Variants in ZC3H8 observed in about 807,000 individuals in gnomAD.
ZC3H8 encodes zinc finger CCCH-type containing 8.
In ZC3H8, 27 loss-of-function variants were observed where a neutral mutation model predicts 42.5. The observed-to-expected ratio is 0.64, with a 90% CI of 0.47 to 0.88. The LOEUF is 0.88. Ranked by LOEUF, ZC3H8 falls within the 40% of genes least tolerant of loss-of-function variation. The pLI, the probability that ZC3H8 is intolerant of heterozygous loss-of-function variation, is 0.00. For synonymous variants in ZC3H8, 101 were observed against 110.1 expected, an observed-to-expected ratio of 0.92 and a Z score of 0.52; for missense variants, 277 against 336.1, an observed-to-expected ratio of 0.82 and a Z score of 1.37.
intron 8 of ZC3H8, among the ~76,000 whole-genome samples, chr2:112,221,333 G>A (rs1181643345): frequency 2.6e-5 from 4 of 151,932 alleles, no homozygotes; most frequent in Non-Finnish European, 4.4e-5. Context: ...TTGTTTAAAA[G>A]TGTGTAGCTC....
chr2:112,250,941 T>C lies in ZC3H8; in HGVS notation c.75-669A>G, dbSNP rs568615620. On this transcript the variant is annotated intron_variant, in intron 1 of 8. Transcript: ENST00000409573. Reference sequence around the variant, plus strand: ...AGGACTGAGAAGTTGACCATGCATATATATAACAGTCTGAGACAATTACTT... The same window carrying C: ...AGGACTGAGAAGTTGACCATGCATACATATAACAGTCTGAGACAATTACTT... Among the ~76,000 whole-genome samples, 151 of 152,284 alleles carry C rather than the reference T, an allele frequency of 9.9e-4. 1 individual carries two copies. The South Asian group carries it at 0.011, about 11-fold the overall frequency.
chr2:112,253,827 T>C (rs573785149), intron 1 of ZC3H8: 1 of 152,404 alleles, frequency 6.6e-6, no homozygotes, highest in African/African-American at 2.4e-5. Flanking sequence ...CAGTTATTTT[T>C]CTTAGTAAAT....
intron 8 of ZC3H8, among the ~76,000 whole-genome samples, chr2:112,219,661 T>A (rs1039453883): frequency 5.3e-5 from 8 of 152,044 alleles, no homozygotes; most frequent in Middle Eastern, 3.2e-3. Context: ...TTTTTTTTTT[T>A]AATTTGCTGA....
At chr2:112,252,979 TA>T (rs1686005818) in intron 1 of ZC3H8, among the ~76,000 whole-genome samples, 1 of 151,974 alleles carries the variant, frequency 6.6e-6, no homozygotes, top group African/African-American at 2.4e-5. Context: ...CCGTCTCTAC[TA>T]AAAATACGTC....
chr2:112,231,821 T>C lies in ZC3H8; in HGVS notation c.843+17A>G, dbSNP rs745660635. 2.4e-5 allele frequency: 35 copies of C among 1,475,556 alleles called. 1 individual carries two copies. The South Asian group carries it at 4.3e-4, about 18-fold the overall frequency. The allele number at this position is 1,475,556 out of a possible 1,614,324, so 91.4% of individuals were successfully genotyped here. A position where few individuals can be genotyped will look rare whatever the true frequency, so the allele number is the denominator to read the frequency against. On this transcript the variant is annotated intron_variant, in intron 7 of 8. Transcript: ENST00000409573. Reference sequence around the variant, plus strand: ...TTAAAAAAGAAAAAACAAAAGATTATTAAAAATTATACTTACTTTAGCCAA... The same window carrying C: ...TTAAAAAAGAAAAAACAAAAGATTACTAAAAATTATACTTACTTTAGCCAA...
At chr2:112,244,982 G>A (rs576446445) in intron 2 of ZC3H8, among the ~76,000 whole-genome samples, 1 of 152,336 alleles carries the variant, frequency 6.6e-6, no homozygotes, top group Admixed American at 6.5e-5. Flanking sequence ...TCAAAAGCTA[G>A]AAATGATTAA....
chr2:112,236,839 G>C, intron 3 of ZC3H8, 144 bp from the exon 4 acceptor site: 1 of 774,900 alleles, frequency 1.3e-6, no homozygotes, highest in South Asian at 1.9e-5. Flanking sequence ...TCAAAGCTAG[G>C]AGTTCAAGGC....
At chr2:112,230,716 C>A in intron 8 of ZC3H8, 187 bp downstream of exon 8, 2 of 260,080 alleles carry the variant, frequency 7.7e-6, no homozygotes, top group Non-Finnish European at 1.4e-5. Flanking sequence ...ATAGACAAGC[C>A]CACACAAGGA....
At chr2:112,226,775 C>T (rs996867291) in intron 8 of ZC3H8, among the ~76,000 whole-genome samples, 4 of 151,956 alleles carry the variant, frequency 2.6e-5, no homozygotes, top group Non-Finnish European at 4.4e-5. Context: ...GAAAGCTACA[C>T]ATGAATATCC....
rs1310075274 is a variant in ZC3H8 at position 112,214,782 on chromosome 2, G to C, written c.*1702C>G. On this transcript the variant is annotated 3_prime_UTR_variant, in exon 9 of 9. Coordinates refer to ENST00000409573, the MANE Select transcript of ZC3H8 (RefSeq NM_032494.3). Reference sequence around the variant, plus strand: ...GGCTGTGAGGTGCTGCCATAACCCAGGTAGGAGAGACCCACAGGCTAGCAG... The same window carrying C: ...GGCTGTGAGGTGCTGCCATAACCCACGTAGGAGAGACCCACAGGCTAGCAG... 5 of 152,190 alleles carry C rather than the reference G, an allele frequency of 3.3e-5. No homozygotes were observed. The highest frequency in any genetic ancestry group is 1.2e-4 in the African/African-American group (5 of 41,424). The allele number at this position is 152,190 out of a possible 1,614,324, so 9.4% of individuals were successfully genotyped here.
intron 3 of ZC3H8, among the ~76,000 whole-genome samples, chr2:112,237,797 C>T (rs968428880): frequency 2.0e-5 from 3 of 152,040 alleles, no homozygotes; most frequent in Admixed American, 2.0e-4. Context: ...GAACTCCTGA[C>T]CTCAAGTGAT....
chr2:112,248,320 A>AAAAGAAAG (rs147585159), intron 2 of ZC3H8, among the ~76,000 whole-genome samples: 2,385 of 149,712 alleles, frequency 0.016, 69 homozygotes, highest in African/African-American at 0.055. Flanking sequence ...AGACAGAAAG[A>AAAAGAAAG]AAAGAAAGAA....
chr2:112,230,302 ACTG>A (rs1375428329), intron 8 of ZC3H8, among the ~76,000 whole-genome samples: 1 of 152,200 alleles, frequency 6.6e-6, no homozygotes, highest in Non-Finnish European at 1.5e-5. Flanking sequence ...TGAGAAAAAA[ACTG>A]ATATTATATT....
chr2:112,242,550 C>T (rs1160775131), intron 2 of ZC3H8, among the ~76,000 whole-genome samples: 1 of 152,072 alleles, frequency 6.6e-6, no homozygotes, highest in Admixed American at 6.6e-5. Context: ...GCATACTTAC[C>T]ACATCAAAAC....
At position 112,234,787 on chromosome 2, in the gene ZC3H8, G is replaced by A. The variant is rs1402349532; in HGVS notation, c.505-551C>T. 2.0e-5 allele frequency among the ~76,000 whole-genome samples: 3 copies of A among 151,302 alleles called. No individual in the cohort carries two copies. In the East Asian group the frequency reaches 5.8e-4, roughly 29 times the overall value. On this transcript the variant is annotated intron_variant, in intron 4 of 8. Transcript: ENST00000409573. The stretch of plus-strand genomic sequence containing the variant: ...TGTACTCCAGCCTGGGCAATAGAAC[G>A]AGACTCCATCTCAGGGAGAAAAAAA...
intron 2 of ZC3H8, among the ~76,000 whole-genome samples, chr2:112,244,652 T>A (rs1220793176): frequency 6.6e-6 from 1 of 152,236 alleles, no homozygotes; most frequent in Non-Finnish European, 1.5e-5. Flanking sequence ...GTTCACTCTG[T>A]GTCTCTGTGT....
intron 1 of ZC3H8, 48 bp from the exon 2 acceptor site, chr2:112,250,320 G>A: frequency 7.2e-7 from 1 of 1,397,792 alleles, no homozygotes; most frequent in Non-Finnish European, 9.8e-7. Flanking sequence ...TCAACCTGAA[G>A]TGTTCATACC....
intron 7 of ZC3H8, among the ~76,000 whole-genome samples, chr2:112,231,222 A>G (rs1685075359): frequency 6.6e-6 from 1 of 152,200 alleles, no homozygotes; most frequent in Non-Finnish European, 1.5e-5. Flanking sequence ...TCTATAAACA[A>G]GCACCTTTGA....
chr2:112,246,752 A>G (rs1055572754), intron 2 of ZC3H8, among the ~76,000 whole-genome samples: 6 of 152,268 alleles, frequency 3.9e-5, no homozygotes, highest in Non-Finnish European at 7.3e-5. Context: ...CAACAGATTT[A>G]GAATATTATA....
Sources: gnomAD v4.1 joint callset for allele counts (sites outside exome capture counted in the v4.1 genomes callset) on GRCh38, gnomAD v4.1.1 for gene constraint, MANE v1.5 for transcripts, NCBI Gene and HGNC (gene_info 2026-07-23, HGNC 2026-07-21) for gene names.